BSPRY: variants seen among roughly 807,000 people sequenced by gnomAD.
The protein encoded by BSPRY is B box and SPRY domain-containing protein.
Under a neutral mutation model 38.0 loss-of-function variants are expected in BSPRY, and 33 were observed. The observed-to-expected ratio is 0.87, with a 90% CI of 0.66 to 1.16. The LOEUF is 1.16. Among genes scored for constraint, BSPRY ranks in the 50% most tolerant of loss-of-function variants. BSPRY has a pLI of 0.00. For synonymous variants in BSPRY, 224 were observed against 228.5 expected (o/e 0.98, Z 0.18); for missense variants, 523 against 533.2 (o/e 0.98, Z 0.19).
At chr9:113,354,984 G>A (rs950589725) in intron 2 of BSPRY, among the ~76,000 whole-genome samples, 40 of 152,238 alleles carry the variant, frequency 2.6e-4, no homozygotes, top group African/African-American at 9.4e-4. Context: ...GCCTCCCAAA[G>A]TGCTGGGATT....
In BSPRY at chr9:113,368,425, T is replaced by TTCTG. The variant is rs752655351; in HGVS notation, c.682+55_682+58dup. On this transcript the variant is annotated intron_variant, in intron 5 of 5. Coordinates refer to ENST00000374183, the MANE Select transcript of BSPRY (RefSeq NM_017688.3). ...CCCAGGACCATTAGGACAACTGGGCTTCTGTCTGTCTGTCTGGGGTTCACT... is the reference window on the plus strand; with the variant it reads ...CCCAGGACCATTAGGACAACTGGGCTTCTGTCTGTCTGTCTGTCTGGGGTTCACT... The TTCTG allele has an allele frequency of 6.3e-6, 10 of 1,599,974 alleles. No homozygotes were observed. In the East Asian group the frequency reaches 1.6e-4, roughly 25 times the overall value.
At chr9:113,366,484 T>A (rs1834254794) in intron 4 of BSPRY, among the ~76,000 whole-genome samples, 1 of 152,222 alleles carries the variant, frequency 6.6e-6, no homozygotes, top group Admixed American at 6.5e-5. Flanking sequence ...CTGCAGCAGA[T>A]CCTGCCGCAC....
chr9:113,349,710 G>T lies in BSPRY; in HGVS notation c.131G>T (p.Cys44Phe), dbSNP rs768533717. 4.0e-6 allele frequency: 5 copies of T among 1,238,766 alleles called. No homozygotes were observed. The East Asian group carries it at 1.6e-4, about 41-fold the overall frequency. The allele number at this position is 1,238,766 out of a possible 1,614,324, so 76.7% of individuals were successfully genotyped here. Reference sequence around the variant, plus strand: ...GAGCGACGGCCCGTGTGCGCCGCCTGCGCGGGGTTGGGCGGTCGCTGCCGG... The same window carrying T: ...GAGCGACGGCCCGTGTGCGCCGCCTTCGCGGGGTTGGGCGGTCGCTGCCGG... ...GSERRPVCAA[C>F]AGLGGRCRGH... Residue 44 changes from cysteine to phenylalanine, a missense_variant, in exon 1 of 6, where the codon TGC becomes TTC. By Grantham distance (205) the Cys-to-Phe change is radical (BLOSUM62 -2). Coordinates refer to ENST00000374183, the MANE Select transcript of BSPRY (RefSeq NM_017688.3).
At chr9:113,363,604 G>A (rs1224716398) in intron 4 of BSPRY, among the ~76,000 whole-genome samples, 1 of 151,958 alleles carries the variant, frequency 6.6e-6, no homozygotes, top group Non-Finnish European at 1.5e-5. Flanking sequence ...ATGTTTTTTA[G>A]GCCCGGTGGC....
intron 4 of BSPRY, among the ~76,000 whole-genome samples, chr9:113,363,735 A>G (rs1159920629): frequency 3.3e-5 from 5 of 151,514 alleles, no homozygotes; most frequent in Non-Finnish European, 5.9e-5. Context: ...TACAAAAATT[A>G]GGTGTGGTGG....
chr9:113,360,883 T>A (rs1834142533), intron 3 of BSPRY, 146 bp downstream of exon 3: 3 of 749,676 alleles, frequency 4.0e-6, no homozygotes, highest in Non-Finnish European at 4.3e-6. Flanking sequence ...TTGGCCAAAC[T>A]TTAGTCAGGC....
At chr9:113,356,901 GTTTGAGATACCTA>G (rs937724860) in intron 2 of BSPRY, among the ~76,000 whole-genome samples, 2 of 152,196 alleles carry the variant, frequency 1.3e-5, no homozygotes, top group Non-Finnish European at 1.5e-5. Context: ...GGCATGTTAT[GTTTGAGATACCTA>G]TTTGACATCC....
intron 2 of BSPRY, among the ~76,000 whole-genome samples, chr9:113,356,691 G>A (rs1353167199): frequency 6.6e-6 from 1 of 152,144 alleles, no homozygotes; most frequent in Non-Finnish European, 1.5e-5. Context: ...TTTTGAAGAG[G>A]CAACAGGATT....
rs1233809064 is a variant in BSPRY at position 113,349,751 on chromosome 9, C to T, written c.172C>T (p.Arg58Trp). ...TCGCTGCCGGGGGCACCGCATCCGC[C>T]GGGCGGAGGAGCGCGCCGAGGAGCT... is the stretch of plus-strand genomic sequence containing the variant. ...GGRCRGHRIR[R>W]AEERAEELRN... Residue 58 changes from arginine (R) to tryptophan (W), a missense_variant, in exon 1 of 6, where the codon CGG becomes TGG. By Grantham distance (101) the Arg-to-Trp change is moderately radical. Coordinates refer to ENST00000374183, the MANE Select transcript of BSPRY (RefSeq NM_017688.3). 2.3e-5 allele frequency: 28 copies of T among 1,235,972 alleles called. No individual in the cohort carries two copies. Among genetic ancestry groups the T allele is most frequent in the Non-Finnish European group, 2.8e-5 (28 of 991,060 alleles). The allele number at this position is 1,235,972 out of a possible 1,614,324, so 76.6% of individuals were successfully genotyped here.
intron 4 of BSPRY, among the ~76,000 whole-genome samples, chr9:113,364,654 TTATC>T (rs747266067): frequency 1.4e-4 from 22 of 152,138 alleles, no homozygotes; most frequent in Non-Finnish European, 2.8e-4. Flanking sequence ...GTCTTCCTAT[TTATC>T]TATCTAGTAT....
At chr9:113,357,436 TA>T (rs1170058164) in intron 2 of BSPRY, among the ~76,000 whole-genome samples, 1 of 152,228 alleles carries the variant, frequency 6.6e-6, no homozygotes, top group African/African-American at 2.4e-5. Flanking sequence ...AAGCATTTTT[TA>T]TTTTTGTTTT....
chr9:113,360,749 A>T lies in BSPRY; in HGVS notation c.531+12A>T. The T allele has an allele frequency of 6.4e-7, 1 of 1,565,908 alleles. No individual in the cohort carries two copies. On this transcript the variant is annotated intron_variant, in intron 3 of 5. Transcript: ENST00000374183. ...ACCTCCAGCTGATTGTAAGTCAGGCAAGGGTGAGGGCATGACCAGTTGGCC... is the reference window on the plus strand; with the variant it reads ...ACCTCCAGCTGATTGTAAGTCAGGCTAGGGTGAGGGCATGACCAGTTGGCC...
At chr9:113,365,727 AAGAG>A (rs572879046) in intron 4 of BSPRY, among the ~76,000 whole-genome samples, 6 of 113,088 alleles carry the variant, frequency 5.3e-5, no homozygotes, top group African/African-American at 1.4e-4. Flanking sequence ...GGAAGGGAGA[AAGAG>A]AAAGAGAGAG....
intron 1 of BSPRY, among the ~76,000 whole-genome samples, 187 bp downstream of exon 1, chr9:113,349,967 C>T (rs1434927349): frequency 6.6e-6 from 1 of 152,204 alleles, no homozygotes; most frequent in Non-Finnish European, 1.5e-5. Flanking sequence ...TCAGGCTGGC[C>T]TGAGTTCGAA....
At chr9:113,353,015 A>T (rs1291078488) in intron 1 of BSPRY, among the ~76,000 whole-genome samples, 1 of 152,216 alleles carries the variant, frequency 6.6e-6, no homozygotes, top group Admixed American at 6.5e-5. Context: ...GGCAGAGAGC[A>T]GTTCTGGACA....
rs540703371 is a variant in BSPRY at position 113,355,909 on chromosome 9, C to T, written c.300+1571C>T. Among the ~76,000 whole-genome samples the T allele has an allele frequency of 6.6e-5, 10 of 152,266 alleles. No homozygotes were observed. In the East Asian group the frequency reaches 1.9e-3, roughly 29 times the overall value. Reference sequence around the variant, plus strand: ...GGGATTACAGGCGTGAGCCACTGTGCCTGGCCCGACAAATCCTGACTTTAA... The same window carrying T: ...GGGATTACAGGCGTGAGCCACTGTGTCTGGCCCGACAAATCCTGACTTTAA... On this transcript the variant is annotated intron_variant, in intron 2 of 5. Transcript: ENST00000374183.
In BSPRY at chr9:113,369,972, C is replaced by T; in HGVS notation, c.1039C>T (p.Leu347=). The T allele has an allele frequency of 6.2e-7, 1 of 1,614,126 alleles. No homozygotes were observed. The highest frequency in any genetic ancestry group is 1.1e-5 in the South Asian group (1 of 91,072). Residue 347 remains leucine, a synonymous_variant, in exon 6 of 6, where the codon CTG becomes TTG. Coordinates refer to ENST00000374183, the MANE Select transcript of BSPRY (RefSeq NM_017688.3). Reference sequence around the variant, plus strand: ...CAATGGGCAGCACGAGCCCCTGGGGCTGCTGCGGGGCCCAGCCCAGCTGGG... The same window carrying T: ...CAATGGGCAGCACGAGCCCCTGGGGTTGCTGCGGGGCCCAGCCCAGCTGGG... ...SHNGQHEPLG[L]LRGPAQLGVV... is the part of the protein sequence containing the mutation.
intron 3 of BSPRY, among the ~76,000 whole-genome samples, chr9:113,362,092 C>T (rs750998375): frequency 1.3e-4 from 20 of 151,676 alleles, no homozygotes; most frequent in Admixed American, 2.6e-4. Flanking sequence ...GGTGAACAGG[C>T]GATGGTCCTG....
chr9:113,351,275 G>C (rs1833967706), intron 1 of BSPRY, among the ~76,000 whole-genome samples: 1 of 151,952 alleles, frequency 6.6e-6, no homozygotes, highest in Non-Finnish European at 1.5e-5. Flanking sequence ...AAGGGAGGTG[G>C]GTCTTACCCT....
Sources: gnomAD v4.1 joint callset for allele counts (sites outside exome capture counted in the v4.1 genomes callset) on GRCh38, gnomAD v4.1.1 for gene constraint, MANE v1.5 for transcripts, NCBI Gene and HGNC (gene_info 2026-07-23, HGNC 2026-07-21) for gene names.